Variants in ARFGEF1 observed in about 807,000 individuals in gnomAD.
ARFGEF1 encodes ARF guanine nucleotide exchange factor 1.
A neutral mutation model predicts 231.0 loss-of-function variants in ARFGEF1; 42 were observed. That is an observed-to-expected ratio of 0.18 (90% CI 0.14 to 0.24). ARFGEF1 has a LOEUF of 0.24. Among genes scored for constraint, ARFGEF1 ranks in the 10% least tolerant of loss-of-function variants. ARFGEF1 has a pLI of 1.00. For missense variants in ARFGEF1, 1,345 were observed against 2,192.0 expected, an observed-to-expected ratio of 0.61 and a Z score of 7.72; for synonymous variants, 710 against 732.3, an observed-to-expected ratio of 0.97 and a Z score of 0.49.
intron 34 of ARFGEF1, among the ~76,000 whole-genome samples, chr8:67,211,178 G>A (rs1056996212): frequency 2.0e-5 from 3 of 149,988 alleles, no homozygotes; most frequent in Non-Finnish European, 4.4e-5. Flanking sequence ...ACCCCGTCTC[G>A]ACTAAAAATA....
At chr8:67,300,704 C>T (rs1244069698) in intron 3 of ARFGEF1, among the ~76,000 whole-genome samples, 1 of 148,692 alleles carries the variant, frequency 6.7e-6, no homozygotes, top group Non-Finnish European at 1.5e-5. Flanking sequence ...ATTAGCTGGG[C>T]ATGGTTACAC....
chr8:67,223,695 G>C (rs1021994131), intron 29 of ARFGEF1, among the ~76,000 whole-genome samples: 3 of 152,102 alleles, frequency 2.0e-5, no homozygotes, highest in African/African-American at 7.2e-5. Flanking sequence ...CCAAGCAACA[G>C]AAGGCTAAGA....
At chr8:67,230,677 T>C (rs1036193160) in intron 23 of ARFGEF1, among the ~76,000 whole-genome samples, 2 of 152,036 alleles carry the variant, frequency 1.3e-5, no homozygotes, top group African/African-American at 4.8e-5. Flanking sequence ...AGAGAAAAAC[T>C]ATGATGCTAA....
At chr8:67,205,553 C>G (rs1340126374) in intron 34 of ARFGEF1, among the ~76,000 whole-genome samples, 1 of 152,132 alleles carries the variant, frequency 6.6e-6, no homozygotes, top group African/African-American at 2.4e-5. Context: ...CAAGTCTGAC[C>G]TCTGAAAACA....
chr8:67,177,116 A>G (rs1327724105), intron 5 of ARFGEF1, among the ~76,000 whole-genome samples: 2 of 151,990 alleles, frequency 1.3e-5, no homozygotes, highest in Non-Finnish European at 2.9e-5. Context: ...ACTATAAACA[A>G]TCACAAACAT....
At chr8:67,327,728 G>C (rs1293853600) in intron 1 of ARFGEF1, among the ~76,000 whole-genome samples, 1 of 152,124 alleles carries the variant, frequency 6.6e-6, no homozygotes, top group Non-Finnish European at 1.5e-5. Flanking sequence ...CCTTGTATTT[G>C]CAACACTTTT....
chr8:67,208,061 G>A (rs544448282), intron 34 of ARFGEF1, among the ~76,000 whole-genome samples: 1 of 152,260 alleles, frequency 6.6e-6, no homozygotes, highest in South Asian at 2.1e-4. Flanking sequence ...AAAGCCACTC[G>A]CTATTCTTTC....
chr8:67,338,601 C>G (rs1377519260), intron 1 of ARFGEF1, among the ~76,000 whole-genome samples: 2 of 152,200 alleles, frequency 1.3e-5, no homozygotes, highest in Non-Finnish European at 2.9e-5. Flanking sequence ...AAGAGCTTCT[C>G]TAAGAACTTG....
At chr8:67,323,312 T>G (rs578250977) in intron 1 of ARFGEF1, among the ~76,000 whole-genome samples, 13 of 152,114 alleles carry the variant, frequency 8.5e-5, no homozygotes, top group Admixed American at 2.0e-4. Flanking sequence ...TAACTTAATA[T>G]ACATCTCTTT....
chr8:67,332,960 C>T (rs1808167701), intron 1 of ARFGEF1, among the ~76,000 whole-genome samples: 1 of 152,082 alleles, frequency 6.6e-6, no homozygotes, highest in Non-Finnish European at 1.5e-5. Context: ...ATTTAATTGG[C>T]ACGGAAACTG....
intron 5 of ARFGEF1, among the ~76,000 whole-genome samples, chr8:67,294,259 G>A (rs1313517466): frequency 6.6e-6 from 1 of 152,022 alleles, no homozygotes; most frequent in East Asian, 1.9e-4. Flanking sequence ...GGAGGGCCCT[G>A]GAACCAATCC....
intron 5 of ARFGEF1, among the ~76,000 whole-genome samples, chr8:67,182,089 C>G (rs998743949): frequency 2.0e-5 from 3 of 152,114 alleles, no homozygotes; most frequent in Non-Finnish European, 4.4e-5. Context: ...GCAGCCTTGA[C>G]CTCCCTGTGC....
At chr8:67,196,958 A>ATACTT, downstream of ARFGEF1, among the ~76,000 whole-genome samples, 1 of 152,334 alleles carries the variant, frequency 6.6e-6, no homozygotes, top group East Asian at 1.9e-4. Flanking sequence ...CAAAGACTGA[A>ATACTT]TACTTTTCCT....
chr8:67,340,766 C>A (rs534119082), intron 1 of ARFGEF1, among the ~76,000 whole-genome samples: 26 of 152,270 alleles, frequency 1.7e-4, no homozygotes, highest in African/African-American at 6.3e-4. Context: ...CCTAGCCCTT[C>A]CCTGGATAGT....
At chr8:67,302,212 GC>G (rs1298064515) in intron 2 of ARFGEF1, among the ~76,000 whole-genome samples, 1 of 151,660 alleles carries the variant, frequency 6.6e-6, no homozygotes, top group East Asian at 1.9e-4. Context: ...AAAAATATAT[GC>G]ATACATTTTT....
chr8:67,339,265 C>G (rs1299379645), intron 1 of ARFGEF1, among the ~76,000 whole-genome samples: 1 of 152,178 alleles, frequency 6.6e-6, no homozygotes, highest in Admixed American at 6.5e-5. Flanking sequence ...CCACCCTTAT[C>G]ACTGCCAGTA....
intron 1 of ARFGEF1, among the ~76,000 whole-genome samples, chr8:67,317,889 ACT>A (rs1390741645): frequency 2.2e-5 from 3 of 138,070 alleles, no homozygotes; most frequent in Non-Finnish European, 4.6e-5. Flanking sequence ...ACAGAGCAAG[ACT>A]CTGTCTCAAA....
intron 6 of ARFGEF1, among the ~76,000 whole-genome samples, chr8:67,288,337 C>T (rs924735269): frequency 6.7e-6 from 1 of 149,818 alleles, no homozygotes; most frequent in Non-Finnish European, 1.5e-5. Context: ...CCTTTAAGTA[C>T]CAAAACTTCA....
At position 67,253,641 on chromosome 8, in the gene ARFGEF1, T is replaced by A. The variant is rs984512620; in HGVS notation, c.2527-19A>T. 7.6e-6 allele frequency: 10 copies of A among 1,308,994 alleles called. No individual in the cohort carries two copies. The Admixed American group carries it at 2.2e-4, about 28-fold the overall frequency. 81.1% of individuals were successfully genotyped at this position (1,308,994 alleles called of 1,614,324 possible). ...TTTTCACCTAGATATGAAAAACCAT[T>A]ATAATTCCTAAAAATTAACATAAAG... On this transcript the variant is annotated intron_variant, in intron 17 of 38. Coordinates refer to ENST00000262215, the MANE Select transcript of ARFGEF1 (RefSeq NM_006421.5).
Sources: allele counts gnomAD v4.1 joint callset (sites outside exome capture counted in the v4.1 genomes callset), GRCh38; gene constraint gnomAD v4.1.1; transcripts MANE v1.5; gene names NCBI Gene and HGNC (gene_info 2026-07-23, HGNC 2026-07-21).